The following FAH variants were observed in gnomAD, a reference collection of about 807,000 sequenced individuals.
FAH encodes fumarylacetoacetate hydrolase, also known as fumarylacetoacetase.
FAH carries 47 observed loss-of-function variants against 55.8 expected under a neutral mutation model. The observed-to-expected ratio is 0.84, with a 90% CI of 0.67 to 1.07. The LOEUF (loss-of-function observed/expected upper bound fraction) is 1.07. Among genes scored for constraint, FAH ranks in the 50% least tolerant of loss-of-function variants. The pLI is 0.00. For missense variants in FAH, 495 were observed against 545.9 expected, an observed-to-expected ratio of 0.91 and a Z score of 0.93; for synonymous variants, 199 against 207.7, an observed-to-expected ratio of 0.96 and a Z score of 0.36.
intron 10 of FAH, 76 bp from the exon 11 acceptor site, chr15:80,177,461 A>G: frequency 1.5e-6 from 2 of 1,295,684 alleles, no homozygotes; most frequent in Non-Finnish European, 2.2e-6. Flanking sequence ...CTTCAGCCAC[A>G]GAACAATTCT....
chr15:80,183,678 C>T (rs1027961430), intron 13 of FAH, among the ~76,000 whole-genome samples: 16 of 152,226 alleles, frequency 1.1e-4, no homozygotes, highest in Non-Finnish European at 1.8e-4. Context: ...CCATTGGAAA[C>T]GCGATAGAAC....
chr15:80,184,046 C>G (rs1486642137), intron 13 of FAH, among the ~76,000 whole-genome samples: 2 of 152,140 alleles, frequency 1.3e-5, no homozygotes, highest in African/African-American at 2.4e-5. Flanking sequence ...CCAAAAATAT[C>G]AACAAAAATC....
intron 13 of FAH, among the ~76,000 whole-genome samples, chr15:80,182,082 C>T (rs988909663): frequency 2.0e-5 from 3 of 152,164 alleles, no homozygotes; most frequent in South Asian, 2.1e-4. Flanking sequence ...CTCTGGGGAG[C>T]GTCTGTCCCT....
chr15:80,152,927 G>T, upstream of FAH: 1 of 770,758 alleles, frequency 1.3e-6, no homozygotes, highest in Non-Finnish European at 2.2e-6. Context: ...CGGGGTCCCT[G>T]CTGTGTCACC....
In FAH at chr15:80,153,105, G is replaced by A. The variant is rs756012361; in HGVS notation, c.51G>A (p.Leu17=). 1.9e-6 allele frequency: 3 copies of A among 1,613,878 alleles called. No individual in the cohort carries two copies. Among genetic ancestry groups the A allele is most frequent in the Non-Finnish European group, 2.5e-6 (3 of 1,180,006 alleles). The change falls in exon 1 of 14, where the codon CTG becomes CTA. Residue 17 remains leucine (L), a synonymous_variant. Coordinates refer to ENST00000561421, the MANE Select transcript of FAH (RefSeq NM_000137.4). ...AEDSDFPIHN[L]PYGVFSTRGD... The stretch of plus-strand genomic sequence containing the variant: ...ATTCCGACTTCCCCATCCACAACCT[G>A]CCCTACGGCGTCTTCTCGACCAGAG...
rs1219107450 is a variant in FAH at position 80,177,534 on chromosome 15, C to G, written c.914-3C>G. The G allele has an allele frequency of 2.5e-5, 40 of 1,613,510 alleles. No homozygotes were observed. Among genetic ancestry groups the G allele is most frequent in the Non-Finnish European group, 3.3e-5 (39 of 1,179,546 alleles). ...TCATCAATATTGCTTTTCTTTCCAA[C>G]AGGAGAAGGAATGAGCCAGGCGGCT... On this transcript the variant is annotated splice_polypyrimidine_tract_variant and splice_region_variant and intron_variant, in intron 10 of 13. Coordinates refer to ENST00000561421, the MANE Select transcript of FAH (RefSeq NM_000137.4).
At chr15:80,158,306 C>T (rs897361500) in intron 2 of FAH, 136 bp downstream of exon 2, 1 of 772,532 alleles carries the variant, frequency 1.3e-6, no homozygotes, top group South Asian at 1.4e-5. Flanking sequence ...TTGGATAAGG[C>T]TGGGGTTGTT....
intron 1 of FAH, among the ~76,000 whole-genome samples, chr15:80,154,402 G>A (rs911532980): frequency 3.3e-5 from 5 of 152,208 alleles, no homozygotes; most frequent in African/African-American, 9.7e-5. Flanking sequence ...GTGTGGCTAG[G>A]TGTTTTCAGA....
chr15:80,176,699 T>G (rs1567120300), intron 10 of FAH, among the ~76,000 whole-genome samples: 1 of 152,254 alleles, frequency 6.6e-6, no homozygotes, highest in Non-Finnish European at 1.5e-5. Context: ...TGGAGTATAC[T>G]TTCTATCTGG....
intron 10 of FAH, among the ~76,000 whole-genome samples, chr15:80,175,596 C>T (rs539194043): frequency 6.6e-6 from 1 of 152,306 alleles, no homozygotes; most frequent in South Asian, 2.1e-4. Flanking sequence ...CCGAGATCCC[C>T]ACCCTGGGCC....
intron 12 of FAH, chr15:80,180,480 G>A: frequency 1.9e-6 from 1 of 532,430 alleles, no homozygotes; most frequent in Admixed American, 3.1e-5. Context: ...GTGACACGTG[G>A]GGAGGAGTCA....
At chr15:80,185,165 C>T (rs2041360032) in intron 13 of FAH, among the ~76,000 whole-genome samples, 1 of 152,154 alleles carries the variant, frequency 6.6e-6, no homozygotes, top group Non-Finnish European at 1.5e-5. Context: ...TTCTTGTTTG[C>T]AGATGAGGGA....
chr15:80,167,996 A>C, intron 5 of FAH, 56 bp from the exon 6 acceptor site: 1 of 1,424,994 alleles, frequency 7.0e-7, no homozygotes, highest in South Asian at 1.2e-5. Flanking sequence ...TTTTAAAGTT[A>C]ATTGACAACA....
In FAH at chr15:80,186,177, G is replaced by A; in HGVS notation, c.1228G>A (p.Gly410Arg). 6 of 1,614,142 alleles carry A rather than the reference G, an allele frequency of 3.7e-6. No homozygotes were observed. Among genetic ancestry groups the A allele is most frequent in the Non-Finnish European group, 5.1e-6 (6 of 1,179,976 alleles). ...CCGCATCGGCTTTGGCCAGTGTGCT[G>A]GAAAAGTGCTGCCTGCTCTCCTGCC... ...GYRIGFGQCA[G>R]KVLPALLPS The change falls in exon 14 of 14, where the codon GGA becomes AGA. Residue 410 changes from glycine to arginine, a missense_variant. Coordinates refer to ENST00000561421, the MANE Select transcript of FAH (RefSeq NM_000137.4).
At chr15:80,172,100 C>A in intron 7 of FAH, 49 bp from the exon 8 acceptor site, 1 of 1,384,766 alleles carries the variant, frequency 7.2e-7, no homozygotes, top group Non-Finnish European at 1.0e-6. Context: ...GACAAGTGAC[C>A]TGGGCGGCAG....
chr15:80,155,856 T>C (rs965494440), intron 1 of FAH: 8 of 465,142 alleles, frequency 1.7e-5, no homozygotes, highest in African/African-American at 1.6e-4. Flanking sequence ...TTTTCTTCTA[T>C]GCACTTATAA....
At position 80,186,262 on chromosome 15, in the gene FAH, G is replaced by C; in HGVS notation, c.*53G>C. On this transcript the variant is annotated 3_prime_UTR_variant, in exon 14 of 14. Coordinates refer to ENST00000561421, the MANE Select transcript of FAH (RefSeq NM_000137.4). ...GGGCTCAAGCACCCCTTTCAACCCT[G>C]TGACTGGGGTCCTCCCTCGGGCTGT... The C allele has an allele frequency of 1.4e-6, 2 of 1,412,284 alleles. No individual in the cohort carries two copies. The highest frequency in any genetic ancestry group is 2.0e-6 in the Non-Finnish European group (2 of 998,586). The allele number at this position is 1,412,284 out of a possible 1,614,324, so 87.5% of individuals were successfully genotyped here.
chr15:80,181,777 GCT>G (rs921818854), intron 13 of FAH, among the ~76,000 whole-genome samples: 1 of 152,036 alleles, frequency 6.6e-6, no homozygotes, highest in African/African-American at 2.4e-5. Context: ...TCGGAGTCTT[GCT>G]CTCTCATCCA....
intron 1 of FAH, 65 bp downstream of exon 1, chr15:80,153,200 GTGGAGTGGAGTGGAA>G: frequency 8.3e-6 from 10 of 1,203,862 alleles, no homozygotes; most frequent in South Asian, 6.0e-5. Flanking sequence ...GTGGAGTGGA[GTGGAGTGGAGTGGAA>G]TGGAGTGGAA....
Sources: allele counts gnomAD v4.1 joint callset (sites outside exome capture counted in the v4.1 genomes callset), GRCh38; gene constraint gnomAD v4.1.1; transcripts MANE v1.5; gene names NCBI Gene and HGNC (gene_info 2026-07-23, HGNC 2026-07-21).